Variants in MAN1A2 observed in about 807,000 individuals in gnomAD.
MAN1A2 encodes the protein mannosyl-oligosaccharide 1,2-alpha-mannosidase IB.
Under a neutral mutation model 75.7 loss-of-function variants are expected in MAN1A2, and 26 were observed. The observed-to-expected ratio is 0.34, with a 90% CI of 0.25 to 0.48. The LOEUF (loss-of-function observed/expected upper bound fraction) is 0.48. Among genes scored for constraint, MAN1A2 ranks in the 20% least tolerant of loss-of-function variants. The pLI, the probability that MAN1A2 is intolerant of heterozygous loss-of-function variation, is 0.99. For synonymous variants in MAN1A2, 247 were observed against 264.6 expected (o/e 0.93, Z 0.65); for missense variants, 562 against 775.5 (o/e 0.72, Z 3.27).
intron 1 of MAN1A2, among the ~76,000 whole-genome samples, chr1:117,391,989 A>C (rs1213686625): frequency 6.6e-6 from 1 of 151,956 alleles, no homozygotes; most frequent in Non-Finnish European, 1.5e-5. Flanking sequence ...CTTTAAATAC[A>C]TTTTATTAGG....
At chr1:117,417,330 G>T (rs928289378) in intron 4 of MAN1A2, among the ~76,000 whole-genome samples, 2 of 151,426 alleles carry the variant, frequency 1.3e-5, no homozygotes, top group African/African-American at 4.8e-5. Context: ...TATTAAGTTT[G>T]ATATATTTAC....
chr1:117,469,910 G>A (rs1337704262), intron 8 of MAN1A2, among the ~76,000 whole-genome samples: 2 of 152,112 alleles, frequency 1.3e-5, no homozygotes, highest in Admixed American at 6.6e-5. Flanking sequence ...AAACCTAGCA[G>A]TTCCTTAAAA....
At chr1:117,475,387 A>G (rs1650284241) in intron 8 of MAN1A2, among the ~76,000 whole-genome samples, 1 of 151,354 alleles carries the variant, frequency 6.6e-6, no homozygotes, top group Admixed American at 6.6e-5. Flanking sequence ...TAAAAATTAT[A>G]CTTGAAGTTG....
At chr1:117,404,208 A>T (rs2101756863) in intron 2 of MAN1A2, among the ~76,000 whole-genome samples, 2 of 152,160 alleles carry the variant, frequency 1.3e-5, no homozygotes, top group Middle Eastern at 3.4e-3. Flanking sequence ...ATTGGTCTTG[A>T]GTTTTCTTGT....
intron 3 of MAN1A2, among the ~76,000 whole-genome samples, chr1:117,408,698 A>C (rs1647700160): frequency 6.6e-6 from 1 of 152,006 alleles, no homozygotes; most frequent in Non-Finnish European, 1.5e-5. Flanking sequence ...TTTCTGGATG[A>C]GATTGTTTAG....
intron 7 of MAN1A2, among the ~76,000 whole-genome samples, chr1:117,465,037 A>C (rs902738786): frequency 1.3e-5 from 2 of 152,200 alleles, no homozygotes; most frequent in Non-Finnish European, 2.9e-5. Flanking sequence ...TAAAGCCTTC[A>C]TCTCTGTAGA....
At chr1:117,410,814 A>G (rs1647788973) in intron 3 of MAN1A2, among the ~76,000 whole-genome samples, 1 of 151,802 alleles carries the variant, frequency 6.6e-6, no homozygotes, top group Non-Finnish European at 1.5e-5. Flanking sequence ...TATACTTGCA[A>G]CAAACAGTTA....
At chr1:117,387,039 C>T (rs1433284450) in intron 1 of MAN1A2, among the ~76,000 whole-genome samples, 1 of 151,776 alleles carries the variant, frequency 6.6e-6, no homozygotes, top group Non-Finnish European at 1.5e-5. Context: ...AACTCAACAA[C>T]AACAACAAAA....
chr1:117,449,976 G>A (rs763543512), intron 6 of MAN1A2, among the ~76,000 whole-genome samples: 1 of 152,208 alleles, frequency 6.6e-6, no homozygotes, highest in Non-Finnish European at 1.5e-5. Flanking sequence ...GATGGGTGAA[G>A]CAGCAAGTAC....
At chr1:117,420,676 T>G in intron 5 of MAN1A2, 27 bp downstream of exon 5, 1 of 1,520,424 alleles carries the variant, frequency 6.6e-7, no homozygotes, top group Non-Finnish European at 9.1e-7. Context: ...AATGCATTGT[T>G]TGTTTTGGAG....
intron 4 of MAN1A2, 48 bp downstream of exon 4, chr1:117,414,879 C>T: frequency 8.8e-7 from 1 of 1,136,492 alleles, no homozygotes; most frequent in Non-Finnish European, 1.3e-6. Context: ...CATGAAAAGA[C>T]ACAATGTCTA....
intron 4 of MAN1A2, among the ~76,000 whole-genome samples, chr1:117,417,534 A>AATATATATATATATGTATATATAT (rs1648034923): frequency 1.1e-5 from 1 of 89,216 alleles, no homozygotes; most frequent in African/African-American, 4.5e-5. Context: ...CTTGAGTTTA[A>AATATATATATATATGTATATATAT]ATATATATAT....
At chr1:117,487,496 A>G (rs955864601) in intron 8 of MAN1A2, among the ~76,000 whole-genome samples, 2 of 152,062 alleles carry the variant, frequency 1.3e-5, no homozygotes, top group Non-Finnish European at 2.9e-5. Context: ...CTATACAAGA[A>G]AGTCATAGTT....
chr1:117,377,370 G>A (rs958761447), intron 1 of MAN1A2, among the ~76,000 whole-genome samples: 3 of 152,184 alleles, frequency 2.0e-5, no homozygotes, highest in African/African-American at 7.2e-5. Flanking sequence ...TGCCGTTGGT[G>A]TAAATGTAAA....
intron 11 of MAN1A2, among the ~76,000 whole-genome samples, chr1:117,500,135 A>T (rs3767802): frequency 6.6e-5 from 10 of 151,660 alleles, no homozygotes; most frequent in Non-Finnish European, 1.5e-4. Context: ...GTTTATGTAA[A>T]GCGAACGTTT....
intron 12 of MAN1A2, among the ~76,000 whole-genome samples, chr1:117,517,961 GA>G (rs1651762851): frequency 1.3e-5 from 2 of 151,896 alleles, no homozygotes; most frequent in Admixed American, 1.3e-4. Flanking sequence ...ATGGCAGCAA[GA>G]ATCAACCATG....
At chr1:117,381,988 T>G (rs1252075873) in intron 1 of MAN1A2, among the ~76,000 whole-genome samples, 1 of 151,880 alleles carries the variant, frequency 6.6e-6, no homozygotes, top group Non-Finnish European at 1.5e-5. Flanking sequence ...TGTCTTCTTT[T>G]GAGAAGTGTC....
chr1:117,375,951 G>C (rs575057315), intron 1 of MAN1A2, among the ~76,000 whole-genome samples: 1 of 141,944 alleles, frequency 7.0e-6, no homozygotes, highest in Non-Finnish European at 1.5e-5. Context: ...TTGCTCTGTC[G>C]CCCAGGCTGG....
intron 3 of MAN1A2, 40 bp from the exon 4 acceptor site, chr1:117,414,673 G>C (rs748830349): frequency 4.9e-6 from 5 of 1,017,444 alleles, no homozygotes; most frequent in Non-Finnish European, 7.8e-6. Flanking sequence ...GGAACCTAAA[G>C]GGATCTTTTT....
Sources: allele counts gnomAD v4.1 joint callset (sites outside exome capture counted in the v4.1 genomes callset), GRCh38; gene constraint gnomAD v4.1.1; transcripts MANE v1.5; gene names NCBI Gene and HGNC (gene_info 2026-07-23, HGNC 2026-07-21).